The following XYLT1 variants were observed in gnomAD, a reference collection of about 807,000 sequenced individuals.
The protein encoded by XYLT1 is beta-D-xylosyltransferase 1.
In XYLT1, 36 loss-of-function variants were observed where a neutral mutation model predicts 91.3. The observed-to-expected ratio is 0.39, with a 90% confidence interval of 0.30 to 0.52. XYLT1 has a LOEUF of 0.52. Ranked by LOEUF, XYLT1 falls within the 20% of genes least tolerant of loss-of-function variation. XYLT1 has a pLI of 0.68. For synonymous variants in XYLT1, 588 were observed against 532.0 expected, an observed-to-expected ratio of 1.11 and a Z score of -1.45; for missense variants, 1,242 against 1,284.5, an observed-to-expected ratio of 0.97 and a Z score of 0.51.
In XYLT1 at chr16:17,214,816, T is replaced by A. The variant is rs138561397; in HGVS notation, c.914-14162A>T. On this transcript the variant is annotated intron_variant, in intron 3 of 11. Coordinates refer to ENST00000261381, the MANE Select transcript of XYLT1 (RefSeq NM_022166.4). ...AATAATGATTTGCAAATGACTACAT[T>A]TTCTCTTCTCCTCTTTCCAACCTCA... Among the ~76,000 whole-genome samples the A allele has an allele frequency of 4.1e-3, 632 of 152,322 alleles. 8 individuals are homozygous for A. The highest frequency in any genetic ancestry group is 0.015 in the African/African-American group (613 of 41,562).
At chr16:17,462,706 G>A (rs1372941693) in intron 1 of XYLT1, among the ~76,000 whole-genome samples, 1 of 152,098 alleles carries the variant, frequency 6.6e-6, no homozygotes, top group Admixed American at 6.5e-5. Flanking sequence ...AAAGGCCATT[G>A]TCCCCGGCCA....
intron 1 of XYLT1, among the ~76,000 whole-genome samples, chr16:17,408,413 G>A (rs2036061021): frequency 6.6e-6 from 1 of 152,214 alleles, no homozygotes; most frequent in South Asian, 2.1e-4. Flanking sequence ...TCACTCCTGA[G>A]TTTTGTGCTT....
At chr16:17,320,271 G>A (rs2034695770) in intron 2 of XYLT1, among the ~76,000 whole-genome samples, 1 of 152,166 alleles carries the variant, frequency 6.6e-6, no homozygotes, top group South Asian at 2.1e-4. Flanking sequence ...CTGAAGCACA[G>A]CAGGTGCTCA....
chr16:17,131,046 A>AGAAT (rs749943476), intron 9 of XYLT1, among the ~76,000 whole-genome samples: 69 of 152,130 alleles, frequency 4.5e-4, no homozygotes, highest in Admixed American at 2.1e-3. Context: ...TCTGCACACT[A>AGAAT]GAATGGGAGG....
chr16:17,337,844 C>T (rs1377269402), intron 2 of XYLT1, among the ~76,000 whole-genome samples: 2 of 148,492 alleles, frequency 1.3e-5, no homozygotes, highest in South Asian at 2.1e-4. Context: ...GCAGTGACGC[C>T]ATCTCGGCTC....
At chr16:17,162,084 T>C (rs1291044704) in intron 5 of XYLT1, among the ~76,000 whole-genome samples, 3 of 152,200 alleles carry the variant, frequency 2.0e-5, no homozygotes, top group South Asian at 2.1e-4. Flanking sequence ...CCACATTTTA[T>C]TGCATTTGAT....
intron 2 of XYLT1, among the ~76,000 whole-genome samples, chr16:17,316,543 C>A (rs917276892): frequency 6.6e-6 from 1 of 151,786 alleles, no homozygotes; most frequent in African/African-American, 2.4e-5. Context: ...ACTACAGGCA[C>A]GTGCCACCAT....
At chr16:17,285,090 T>G (rs948819578) in intron 2 of XYLT1, among the ~76,000 whole-genome samples, 1 of 152,238 alleles carries the variant, frequency 6.6e-6, no homozygotes, top group Non-Finnish European at 1.5e-5. Flanking sequence ...CAAAGGTGGA[T>G]GCAGCCCTGG....
At chr16:17,338,633 T>C (rs1447001062) in intron 2 of XYLT1, 1 of 384,140 alleles carries the variant, frequency 2.6e-6, no homozygotes, top group Non-Finnish European at 5.2e-6. Context: ...TTCACCCTTT[T>C]TTTTGGGACG....
chr16:17,424,923 A>G (rs1349927213), intron 1 of XYLT1, among the ~76,000 whole-genome samples: 1 of 151,182 alleles, frequency 6.6e-6, no homozygotes, highest in Non-Finnish European at 1.5e-5. Context: ...ACTGTACCAC[A>G]TGGTAGGTAC....
chr16:17,321,618 G>A (rs1370561849), intron 2 of XYLT1, among the ~76,000 whole-genome samples: 2 of 151,852 alleles, frequency 1.3e-5, no homozygotes, highest in Non-Finnish European at 2.9e-5. Context: ...TCAGACTCCC[G>A]AAGTGCTGGG....
chr16:17,453,597 C>T (rs2036696400), intron 1 of XYLT1, among the ~76,000 whole-genome samples: 1 of 152,146 alleles, frequency 6.6e-6, no homozygotes, highest in African/African-American at 2.4e-5. Context: ...CTCCGTGCTC[C>T]GATGCTGTGG....
intron 1 of XYLT1, among the ~76,000 whole-genome samples, chr16:17,376,167 C>T (rs547113061): frequency 1.3e-5 from 2 of 152,338 alleles, no homozygotes; most frequent in East Asian, 3.9e-4. Flanking sequence ...GGTTTTGTCC[C>T]CCAGGGAACA....
intron 1 of XYLT1, among the ~76,000 whole-genome samples, chr16:17,454,040 G>C (rs1215703481): frequency 6.6e-6 from 1 of 152,174 alleles, no homozygotes; most frequent in South Asian, 2.1e-4. Flanking sequence ...CCTTGTTACA[G>C]AGTTTCAGCA....
At chr16:17,362,863 G>A (rs1170892495) in intron 1 of XYLT1, among the ~76,000 whole-genome samples, 2 of 152,206 alleles carry the variant, frequency 1.3e-5, no homozygotes, top group Non-Finnish European at 2.9e-5. Context: ...TCAGAGCCAG[G>A]TATCTCCGTG....
intron 1 of XYLT1, among the ~76,000 whole-genome samples, chr16:17,459,044 T>C (rs903854541): frequency 2.0e-5 from 3 of 152,096 alleles, no homozygotes; most frequent in Non-Finnish European, 2.9e-5. Context: ...TATGGTTTTG[T>C]TGGGAAAAAA....
chr16:17,444,509 CTTCT>C (rs1486834431), intron 1 of XYLT1, among the ~76,000 whole-genome samples: 8 of 99,248 alleles, frequency 8.1e-5, no homozygotes, highest in Admixed American at 7.2e-4. Flanking sequence ...CTAACTTCTT[CTTCT>C]TTTTTTTTTT....
intron 2 of XYLT1, among the ~76,000 whole-genome samples, chr16:17,283,848 G>A (rs556143724): frequency 3.9e-5 from 6 of 152,242 alleles, no homozygotes; most frequent in South Asian, 4.1e-4. Flanking sequence ...TTTCTTCAAC[G>A]ATATTTCCAT....
intron 1 of XYLT1, among the ~76,000 whole-genome samples, chr16:17,394,373 T>C (rs1330283737): frequency 6.6e-6 from 1 of 152,150 alleles, no homozygotes; most frequent in Non-Finnish European, 1.5e-5. Context: ...ATCTTCTCCA[T>C]GGGAGGCAGC....
Sources: allele counts gnomAD v4.1 joint callset (sites outside exome capture counted in the v4.1 genomes callset), GRCh38; gene constraint gnomAD v4.1.1; transcripts MANE v1.5; gene names NCBI Gene and HGNC (gene_info 2026-07-23, HGNC 2026-07-21).